Variants in ZNF423 observed in about 807,000 individuals in gnomAD.
The protein encoded by ZNF423 is zinc finger protein 423.
ZNF423 carries 12 observed loss-of-function variants against 95.8 expected under a neutral mutation model. The observed-to-expected ratio is 0.13, with a 90% CI of 0.08 to 0.20. ZNF423 has a LOEUF of 0.20. ZNF423 is among the 10% of genes least tolerant of loss of function. The pLI is 1.00. For synonymous variants in ZNF423, 749 were observed against 711.9 expected (o/e 1.05, Z -0.83); for missense variants, 1,316 against 1,737.1 (o/e 0.76, Z 4.31).
chr16:49,581,035 G>A (rs1970656728), intron 5 of ZNF423, among the ~76,000 whole-genome samples: 1 of 152,134 alleles, frequency 6.6e-6, no homozygotes, highest in Non-Finnish European at 1.5e-5. Context: ...TGATTCACGA[G>A]ATTGCCACAG....
chr16:49,567,093 A>G (rs1970219253), intron 5 of ZNF423, among the ~76,000 whole-genome samples: 1 of 152,198 alleles, frequency 6.6e-6, no homozygotes, highest in African/African-American at 2.4e-5. Flanking sequence ...CAAAGTGTTC[A>G]TGTTCCTGTG....
At chr16:49,793,136 C>T (rs141245967) in intron 1 of ZNF423, among the ~76,000 whole-genome samples, 1 of 151,996 alleles carries the variant, frequency 6.6e-6, no homozygotes, top group African/African-American at 2.4e-5. Flanking sequence ...CCTGTGCTAC[C>T]CAGCAATGAG....
intron 1 of ZNF423, chr16:49,853,774 A>C: frequency 1.0e-6 from 1 of 985,384 alleles, no homozygotes; most frequent in Non-Finnish European, 1.2e-6. Flanking sequence ...CGGTTCAAGC[A>C]ACTTTGAAAC....
intron 1 of ZNF423, among the ~76,000 whole-genome samples, chr16:49,845,354 C>T (rs940447555): frequency 6.6e-6 from 1 of 151,800 alleles, no homozygotes; most frequent in Non-Finnish European, 1.5e-5. Flanking sequence ...ATCTGCCCCC[C>T]TCAGCCTCCC....
chr16:49,811,892 T>C (rs2034759455), intron 1 of ZNF423, among the ~76,000 whole-genome samples: 1 of 151,826 alleles, frequency 6.6e-6, no homozygotes, highest in African/African-American at 2.4e-5. Flanking sequence ...CAGAAAGAGA[T>C]TCCGTTCCCC....
intron 1 of ZNF423, among the ~76,000 whole-genome samples, chr16:49,850,130 T>C (rs1437321441): frequency 6.6e-6 from 1 of 152,194 alleles, no homozygotes; most frequent in South Asian, 2.1e-4. Flanking sequence ...ATTTACTGAG[T>C]GTACAACCCC....
chr16:49,543,079 G>A (rs1168784953), intron 5 of ZNF423, among the ~76,000 whole-genome samples: 1 of 152,168 alleles, frequency 6.6e-6, no homozygotes, highest in Non-Finnish European at 1.5e-5. Flanking sequence ...TTGACATAGA[G>A]GAGTGGGCAT....
intron 2 of ZNF423, among the ~76,000 whole-genome samples, chr16:49,763,158 G>A (rs1239769347): frequency 1.3e-5 from 2 of 152,170 alleles, no homozygotes; most frequent in African/African-American, 4.8e-5. Flanking sequence ...GTGAGTCACT[G>A]TGCCCAGCAT....
At chr16:49,605,595 C>T (rs1861655) in intron 5 of ZNF423, among the ~76,000 whole-genome samples, 2,079 of 152,230 alleles carry the variant, frequency 0.014, 98 homozygotes, top group Admixed American at 0.088. Flanking sequence ...CCCTTCTGAG[C>T]GACAGCAGAC....
intron 5 of ZNF423, among the ~76,000 whole-genome samples, chr16:49,541,730 C>A (rs1450013856): frequency 6.6e-6 from 1 of 152,176 alleles, no homozygotes; most frequent in Non-Finnish European, 1.5e-5. Flanking sequence ...CAGTTCCCCC[C>A]ATGCTGTTCT....
chr16:49,723,487 C>T (rs2032925775), intron 3 of ZNF423, among the ~76,000 whole-genome samples: 1 of 152,148 alleles, frequency 6.6e-6, no homozygotes, highest in Admixed American at 6.5e-5. Context: ...TTAAGGAAAA[C>T]ATCTTTTGCC....
At chr16:49,561,579 C>T (rs546167727) in intron 5 of ZNF423, among the ~76,000 whole-genome samples, 2 of 152,278 alleles carry the variant, frequency 1.3e-5, no homozygotes, top group African/African-American at 2.4e-5. Context: ...AACCAATCTG[C>T]TCTTCCAAAA....
intron 1 of ZNF423, among the ~76,000 whole-genome samples, chr16:49,843,870 A>T (rs997064368): frequency 2.7e-5 from 4 of 148,748 alleles, no homozygotes; most frequent in African/African-American, 9.9e-5. Context: ...TCCCAAGGCC[A>T]CTTAATGGTG....
In ZNF423 at chr16:49,509,145, G is replaced by T. The variant is rs8057047; in HGVS notation, c.3849+14479C>A. 1.7e-3 allele frequency among the ~76,000 whole-genome samples: 261 copies of T among 152,200 alleles called. 2 individuals are homozygous for T. The highest frequency in any genetic ancestry group is 6.1e-3 in the African/African-American group (253 of 41,500). On this transcript the variant is annotated intron_variant, in intron 7 of 7. Coordinates refer to ENST00000563137, the MANE Select transcript of ZNF423 (RefSeq NM_001379286.1). The stretch of plus-strand genomic sequence containing the variant: ...GAGGCTCAGAAAAGCAAAGTGGCTC[G>T]CTAAGTCGTCTAGCTGGTAAGAGGT...
chr16:49,605,644 T>C (rs1971514137), intron 5 of ZNF423, among the ~76,000 whole-genome samples: 1 of 152,094 alleles, frequency 6.6e-6, no homozygotes, highest in Non-Finnish European at 1.5e-5. Context: ...TTTCAATAAA[T>C]GAAGCCCCGG....
intron 5 of ZNF423, among the ~76,000 whole-genome samples, chr16:49,582,369 C>G (rs1021706204): frequency 6.6e-6 from 1 of 152,244 alleles, no homozygotes; most frequent in African/African-American, 2.4e-5. Context: ...CCCCAGCATC[C>G]GAGTTGTATC....
At chr16:49,719,070 A>G (rs931423600) in intron 3 of ZNF423, among the ~76,000 whole-genome samples, 1 of 152,204 alleles carries the variant, frequency 6.6e-6, no homozygotes, top group African/African-American at 2.4e-5. Flanking sequence ...GTAGTAACCG[A>G]GATTGATTAC....
At chr16:49,648,828 G>A (rs1489004781) in intron 3 of ZNF423, among the ~76,000 whole-genome samples, 1 of 152,120 alleles carries the variant, frequency 6.6e-6, no homozygotes, top group East Asian at 1.9e-4. Flanking sequence ...TTAAGGGTGT[G>A]ACTCACAGAT....
intron 3 of ZNF423, among the ~76,000 whole-genome samples, chr16:49,707,000 C>G (rs2032372971): frequency 6.6e-6 from 1 of 152,198 alleles, no homozygotes; most frequent in African/African-American, 2.4e-5. Context: ...AACACACACA[C>G]CGGATCCTGT....
Sources: gnomAD v4.1 joint callset for allele counts (sites outside exome capture counted in the v4.1 genomes callset) on GRCh38, gnomAD v4.1.1 for gene constraint, MANE v1.5 for transcripts, NCBI Gene and HGNC (gene_info 2026-07-23, HGNC 2026-07-21) for gene names.